Variants in DLGAP1 observed in about 807,000 individuals in gnomAD.
DLGAP1 encodes DLG associated protein 1, also known as disks large-associated protein 1.
A neutral mutation model predicts 90.8 loss-of-function variants in DLGAP1; 11 were observed. That is an observed-to-expected ratio of 0.12 (90% CI 0.08 to 0.20). The LOEUF is 0.20. Ranked by LOEUF, DLGAP1 falls within the 10% of genes least tolerant of loss-of-function variation. The pLI, the probability that DLGAP1 is intolerant of heterozygous loss-of-function variation, is 1.00. For synonymous variants in DLGAP1, 558 were observed against 540.7 expected (o/e 1.03, Z -0.44); for missense variants, 1,050 against 1,333.8 (o/e 0.79, Z 3.31).
At chr18:4,350,269 A>G (rs2081379693) in intron 1 of DLGAP1, among the ~76,000 whole-genome samples, 1 of 152,184 alleles carries the variant, frequency 6.6e-6, no homozygotes, top group African/African-American at 2.4e-5. Context: ...GTTATCGGAT[A>G]CAATGAAGTT....
At chr18:4,277,709 A>T (rs986292511) in intron 1 of DLGAP1, among the ~76,000 whole-genome samples, 24 of 152,312 alleles carry the variant, frequency 1.6e-4, no homozygotes, top group South Asian at 8.3e-4. Flanking sequence ...ATCCCACATT[A>T]CTGCAGCCGA....
intron 4 of DLGAP1, chr18:3,874,223 G>A (rs563173425): frequency 3.2e-6 from 5 of 1,549,870 alleles, no homozygotes; most frequent in African/African-American, 1.4e-5. Context: ...TAAAAAGGTC[G>A]ATCATTTTGC....
rs2059653858 is a variant in DLGAP1, at chr18:3,660,682, CA to C, written c.1591+68452del. Among the ~76,000 whole-genome samples the C allele has an allele frequency of 6.6e-6, 1 of 152,154 alleles. No homozygotes were observed. Among genetic ancestry groups the C allele is most frequent in the Non-Finnish European group, 1.5e-5 (1 of 68,044 alleles). ...AGGCTGTTCTTTATAGGGAGTTAGT[CA>C]AAATCTATGTGCAGAGTGAATACAT... On this transcript the variant is annotated intron_variant, in intron 7 of 12. Coordinates refer to ENST00000315677, the MANE Select transcript of DLGAP1 (RefSeq NM_004746.4). This position sits in a 1 kb window ranked among gnomAD's most constrained non-coding sequence, Gnocchi z 4.2.
chr18:4,426,913 T>A (rs1345793143), intron 1 of DLGAP1, among the ~76,000 whole-genome samples: 1 of 149,930 alleles, frequency 6.7e-6, no homozygotes, highest in Non-Finnish European at 1.5e-5. Context: ...GGTTAAATAA[T>A]AAACATATGA....
intron 1 of DLGAP1, among the ~76,000 whole-genome samples, chr18:4,397,974 A>G (rs2082474646): frequency 6.6e-6 from 1 of 152,188 alleles, no homozygotes; most frequent in Non-Finnish European, 1.5e-5. Flanking sequence ...AGATGTAATG[A>G]CTTTCTAAGG....
intron 1 of DLGAP1, among the ~76,000 whole-genome samples, chr18:4,435,486 T>C (rs747739196): frequency 1.3e-5 from 2 of 151,614 alleles, no homozygotes; most frequent in Non-Finnish European, 2.9e-5. Flanking sequence ...GAAAACAATA[T>C]AGAAGGGGGA....
At chr18:4,105,870 A>G (rs2075852833) in intron 2 of DLGAP1, among the ~76,000 whole-genome samples, 1 of 151,816 alleles carries the variant, frequency 6.6e-6, no homozygotes, top group African/African-American at 2.4e-5. Flanking sequence ...CTCTACTAAA[A>G]ATACAAAAAA....
intron 5 of DLGAP1, among the ~76,000 whole-genome samples, chr18:3,765,366 A>C (rs550679667): frequency 6.6e-6 from 1 of 150,384 alleles, no homozygotes; most frequent in Non-Finnish European, 1.5e-5. Context: ...TCCTGACCTC[A>C]TGATCTGCCC....
intron 3 of DLGAP1, among the ~76,000 whole-genome samples, chr18:3,992,026 T>C (rs1025820183): frequency 6.6e-6 from 1 of 152,214 alleles, no homozygotes; most frequent in Non-Finnish European, 1.5e-5. Context: ...AATCACATAG[T>C]TCCACAATAA....
chr18:3,720,129 A>G lies in DLGAP1; in HGVS notation c.1591+9006T>C, dbSNP rs190385068. 3.2e-4 allele frequency among the ~76,000 whole-genome samples: 49 copies of G among 152,354 alleles called. 1 individual carries two copies. The highest frequency in any genetic ancestry group is 8.7e-4 in the African/African-American group (36 of 41,594). ...ATGTACCCTTTTGAAACCACAGAAT[A>G]TTCTAGGGATAAAAGCTAATTAAAC... On this transcript the variant is annotated intron_variant, in intron 7 of 12. Transcript: ENST00000315677.
At chr18:4,004,369 C>T (rs181111198) in intron 3 of DLGAP1, among the ~76,000 whole-genome samples, 2,279 of 134,068 alleles carry the variant, frequency 0.017, 38 homozygotes, top group Non-Finnish European at 0.021. Context: ...CAGCTACCCC[C>T]GAGGCCCTCT....
At chr18:3,570,104 T>TA (rs1204357201) in intron 8 of DLGAP1, among the ~76,000 whole-genome samples, 1 of 151,968 alleles carries the variant, frequency 6.6e-6, no homozygotes, top group Admixed American at 6.6e-5. Context: ...AAGTGGGTAG[T>TA]ATGCTCTACC....
chr18:4,317,951 G>C (rs562912680), intron 1 of DLGAP1, among the ~76,000 whole-genome samples: 23 of 152,082 alleles, frequency 1.5e-4, no homozygotes, highest in Non-Finnish European at 1.6e-4. Flanking sequence ...GGGTTCAAAC[G>C]ATTCTCCGGC....
chr18:4,157,936 T>C (rs543768549), intron 1 of DLGAP1, among the ~76,000 whole-genome samples: 1 of 152,276 alleles, frequency 6.6e-6, no homozygotes, highest in South Asian at 2.1e-4. Context: ...GGGAGCCTAT[T>C]GCATCCTTTC....
intron 2 of DLGAP1, among the ~76,000 whole-genome samples, chr18:4,087,752 A>G (rs36109672): frequency 0.26 from 39,280 of 152,062 alleles, 5,377 homozygotes; most frequent in Non-Finnish European, 0.31. Flanking sequence ...TTACATTTAT[A>G]TGCTATATAT....
chr18:3,675,081 T>G (rs1039112979), intron 7 of DLGAP1, among the ~76,000 whole-genome samples: 3 of 151,524 alleles, frequency 2.0e-5, no homozygotes, highest in South Asian at 4.2e-4. Context: ...GGTTAGCTGG[T>G]TTTTTTTTGA....
At chr18:3,719,149 G>A (rs1221370898) in intron 7 of DLGAP1, among the ~76,000 whole-genome samples, 2 of 152,060 alleles carry the variant, frequency 1.3e-5, no homozygotes, top group African/African-American at 4.8e-5. Flanking sequence ...AGACTTGAAG[G>A]GAGGTAAGGT....
chr18:4,274,282 G>C (rs533208151), intron 1 of DLGAP1, among the ~76,000 whole-genome samples: 1 of 152,138 alleles, frequency 6.6e-6, no homozygotes, highest in East Asian at 1.9e-4. Flanking sequence ...GGTTATTTAA[G>C]AGTGTGTCAT....
At chr18:4,216,517 T>A (rs2144931228) in intron 1 of DLGAP1, among the ~76,000 whole-genome samples, 1 of 152,292 alleles carries the variant, frequency 6.6e-6, no homozygotes, top group South Asian at 2.1e-4. Flanking sequence ...CACGACCACA[T>A]GTACAGACAC....
Sources: gnomAD v4.1 joint callset for allele counts (sites outside exome capture counted in the v4.1 genomes callset) on GRCh38, gnomAD v4.1.1 for gene constraint, Gnocchi (gnomAD v3.1) non-coding constraint, MANE v1.5 for transcripts, NCBI Gene and HGNC (gene_info 2026-07-23, HGNC 2026-07-21) for gene names.